The following GRAMD2B variants were observed in gnomAD, a reference collection of about 807,000 sequenced individuals.
The protein encoded by GRAMD2B is GRAM domain containing 2B.
A neutral mutation model predicts 59.2 loss-of-function variants in GRAMD2B; 41 were observed. The ratio of observed to expected loss-of-function variants is 0.69; its 90% CI spans 0.54 to 0.90. GRAMD2B has a LOEUF of 0.90. Ranked by LOEUF, GRAMD2B falls within the 40% of genes least tolerant of loss-of-function variation. The pLI, the probability that GRAMD2B is intolerant of heterozygous loss-of-function variation, is 0.00. For missense variants in GRAMD2B, 424 were observed against 500.5 expected (o/e 0.85, Z 1.46); for synonymous variants, 161 against 182.7 (o/e 0.88, Z 0.96).
rs534764322 is a variant in GRAMD2B, at chr5:126,459,799, CTT to C, written c.84-5625_84-5624del. Among the ~76,000 whole-genome samples, 283 of 152,274 alleles carry C rather than the reference CTT, an allele frequency of 1.9e-3. 1 individual carries two copies. Among genetic ancestry groups the C allele is most frequent in the African/African-American group, 6.3e-3 (262 of 41,560 alleles). The stretch of plus-strand genomic sequence containing the variant: ...AATATAAATATTTTTAAGGCTAACA[CTT>C]TATTAGTGAGAAGATATAGACACTG... On this transcript the variant is annotated intron_variant, in intron 1 of 13. Coordinates refer to ENST00000285689, the MANE Select transcript of GRAMD2B (RefSeq NM_023927.4).
intron 1 of GRAMD2B, among the ~76,000 whole-genome samples, chr5:126,408,592 T>C (rs1758468843): frequency 6.6e-6 from 1 of 151,810 alleles, no homozygotes; most frequent in African/African-American, 2.4e-5. Context: ...TGTGGCCTGA[T>C]TTGTGACTGC....
chr5:126,413,183 G>T (rs1758967437), intron 1 of GRAMD2B, among the ~76,000 whole-genome samples: 1 of 151,842 alleles, frequency 6.6e-6, no homozygotes, highest in African/African-American at 2.4e-5. Context: ...TAGTTTCCCT[G>T]GGGGTGATGT....
chr5:126,487,902 G>T (rs114609791), intron 12 of GRAMD2B, among the ~76,000 whole-genome samples: 2,723 of 152,254 alleles, frequency 0.018, 102 homozygotes, highest in African/African-American at 0.063. Context: ...GAATTATCTA[G>T]AATTGTTTAA....
intron 1 of GRAMD2B, among the ~76,000 whole-genome samples, chr5:126,431,937 T>C (rs1561512450): frequency 6.6e-6 from 1 of 152,170 alleles, no homozygotes; most frequent in Non-Finnish European, 1.5e-5. Context: ...TGTTTTGTTT[T>C]GTTTTGTTTT....
At chr5:126,485,868 A>C in intron 11 of GRAMD2B, 95 bp downstream of exon 11, 7 of 704,030 alleles carry the variant, frequency 9.9e-6, no homozygotes, top group Non-Finnish European at 1.6e-5. Flanking sequence ...TGTAAATCTC[A>C]ATTGTCTGAA....
intron 13 of GRAMD2B, among the ~76,000 whole-genome samples, chr5:126,491,493 C>G (rs970654870): frequency 5.3e-5 from 8 of 152,164 alleles, no homozygotes; most frequent in Non-Finnish European, 1.0e-4. Context: ...GCTCCCTGGC[C>G]CTTGGTTTCA....
chr5:126,405,511 G>A (rs967770420), intron 1 of GRAMD2B, among the ~76,000 whole-genome samples: 2 of 151,946 alleles, frequency 1.3e-5, no homozygotes, highest in Non-Finnish European at 1.5e-5. Context: ...GCCTGGCACA[G>A]AGGAAGCACT....
At chr5:126,363,604 T>C (rs1754317134) in intron 1 of GRAMD2B, among the ~76,000 whole-genome samples, 1 of 152,178 alleles carries the variant, frequency 6.6e-6, no homozygotes, top group Non-Finnish European at 1.5e-5. Context: ...ATCCATACAA[T>C]AGAATATTTT....
chr5:126,492,728 A>G (rs1173590540), intron 13 of GRAMD2B, among the ~76,000 whole-genome samples, 187 bp from the exon 14 acceptor site: 1 of 152,064 alleles, frequency 6.6e-6, no homozygotes, highest in African/African-American at 2.4e-5. Context: ...CTTTTTCCCA[A>G]AGAAAAAGTG....
At chr5:126,469,869 C>T (rs896717983) in intron 3 of GRAMD2B, 81 bp downstream of exon 3, 3 of 895,788 alleles carry the variant, frequency 3.3e-6, no homozygotes, top group African/African-American at 3.4e-5. Context: ...CCCAAGTATG[C>T]ACCTTCCTGC....
At chr5:126,372,224 T>C (rs994556408) in intron 1 of GRAMD2B, among the ~76,000 whole-genome samples, 1 of 152,172 alleles carries the variant, frequency 6.6e-6, no homozygotes, top group Non-Finnish European at 1.5e-5. Flanking sequence ...TATATTTATC[T>C]AGCAATTTAT....
intron 1 of GRAMD2B, among the ~76,000 whole-genome samples, chr5:126,424,622 G>A (rs1760266826): frequency 6.6e-6 from 1 of 152,188 alleles, no homozygotes; most frequent in South Asian, 2.1e-4. Flanking sequence ...GTGTCCCCAT[G>A]GACATTTCTT....
intron 1 of GRAMD2B, among the ~76,000 whole-genome samples, chr5:126,413,100 A>G (rs1037563244): frequency 1.3e-5 from 2 of 151,978 alleles, no homozygotes; most frequent in African/African-American, 4.8e-5. Context: ...CAGAGTCTCC[A>G]TTTTGTTCAG....
At chr5:126,492,339 A>G (rs984377483) in intron 13 of GRAMD2B, among the ~76,000 whole-genome samples, 2 of 148,418 alleles carry the variant, frequency 1.3e-5, no homozygotes, top group Non-Finnish European at 3.0e-5. Context: ...TTTTTCTTCC[A>G]TCTCATTTAT....
chr5:126,381,179 T>C lies in GRAMD2B; in HGVS notation c.125+9612T>C, dbSNP rs148580300. 2.9e-3 allele frequency among the ~76,000 whole-genome samples: 441 copies of C among 152,326 alleles called. 3 individuals carry two copies. Among genetic ancestry groups the C allele is most frequent in the African/African-American group, 0.01 (427 of 41,590 alleles). On this transcript the variant is annotated intron_variant, in intron 1 of 8. Coordinates refer to the GRAMD2B transcript ENST00000506445. ...TGATCATGTGATTTTTGTTTTTAAT[T>C]CTGTTTATGTGGTATATCACATTTA...
intron 1 of GRAMD2B, 178 bp from the exon 2 acceptor site, chr5:126,465,248 A>T (rs1403357752): frequency 6.9e-7 from 1 of 1,444,856 alleles, no homozygotes; most frequent in Non-Finnish European, 9.1e-7. Context: ...TGCCGTTGGG[A>T]CACCAGGCAA....
chr5:126,371,226 A>T, upstream of GRAMD2B: 1 of 785,668 alleles, frequency 1.3e-6, no homozygotes, highest in Non-Finnish European at 1.6e-6. Flanking sequence ...TACAGCAAAC[A>T]TAGGTAGGAT....
chr5:126,365,425 C>T (rs1024036507), intron 1 of GRAMD2B, among the ~76,000 whole-genome samples: 1 of 152,188 alleles, frequency 6.6e-6, no homozygotes, highest in Non-Finnish European at 1.5e-5. Flanking sequence ...GCAATAACCA[C>T]TATGCAATTT....
exon 1 of GRAMD2B, chr5:126,360,161 G>A (rs1754156294): frequency 1.5e-6 from 1 of 650,064 alleles, no homozygotes; most frequent in Non-Finnish European, 2.6e-6. Flanking sequence ...AAGTGCGGCT[G>A]GTGCCATCCC....
Sources: gnomAD v4.1 joint callset for allele counts (sites outside exome capture counted in the v4.1 genomes callset) on GRCh38, gnomAD v4.1.1 for gene constraint, MANE v1.5 for transcripts, NCBI Gene and HGNC (gene_info 2026-07-23, HGNC 2026-07-21) for gene names.